ERBB4: variants seen among roughly 807,000 people sequenced by gnomAD.
The protein encoded by ERBB4 is receptor tyrosine-protein kinase erbB-4.
Under a neutral mutation model 158.0 loss-of-function variants are expected in ERBB4, and 42 were observed. The ratio of observed to expected loss-of-function variants is 0.27; its 90% CI spans 0.21 to 0.34. The LOEUF (loss-of-function observed/expected upper bound fraction) is 0.34, where lower values mean the gene tolerates loss of function less well. Among genes scored for constraint, ERBB4 ranks in the 10% least tolerant of loss-of-function variants. ERBB4 has a pLI of 1.00. For missense variants in ERBB4, 1,333 were observed against 1,624.1 expected, an observed-to-expected ratio of 0.82 and a Z score of 3.08; for synonymous variants, 583 against 558.7, an observed-to-expected ratio of 1.04 and a Z score of -0.61.
chr2:211,498,603 C>T (rs1486407713), intron 20 of ERBB4, among the ~76,000 whole-genome samples: 5 of 152,010 alleles, frequency 3.3e-5, no homozygotes, highest in Non-Finnish European at 7.4e-5. Context: ...TTTCAAACAT[C>T]ATAAGGAGTA....
rs546793913 is a variant in ERBB4, at chr2:211,677,747, G to A, written c.1622+1305C>T. Among the ~76,000 whole-genome samples the A allele has an allele frequency of 4.0e-5, 6 of 151,684 alleles. 1 individual carries two copies. The South Asian group carries it at 8.3e-4, about 21-fold the overall frequency. ...AAATTAGCCGGGCGTGGTGGCGGGC[G>A]CCTGTAGTCCCAGCTACTCGGGAGG... is the stretch of plus-strand genomic sequence containing the variant. On this transcript the variant is annotated intron_variant, in intron 13 of 27. Transcript: ENST00000342788.
chr2:211,762,986 T>A (rs1251674351), intron 4 of ERBB4, among the ~76,000 whole-genome samples: 1 of 152,138 alleles, frequency 6.6e-6, no homozygotes, highest in East Asian at 1.9e-4. Context: ...TATCAAATAA[T>A]TATTTGCCTG....
chr2:211,675,524 C>A (rs1055683966), intron 13 of ERBB4, among the ~76,000 whole-genome samples: 1 of 151,848 alleles, frequency 6.6e-6, no homozygotes, highest in Non-Finnish European at 1.5e-5. Context: ...TAAACTTTCA[C>A]AAGAGTTTAA....
intron 25 of ERBB4, among the ~76,000 whole-genome samples, chr2:211,388,940 C>T (rs995476276): frequency 2.0e-5 from 3 of 152,178 alleles, no homozygotes; most frequent in Non-Finnish European, 4.4e-5. Flanking sequence ...AGACCCAAAT[C>T]GCTTGATTTT....
At chr2:211,772,906 T>C (rs1421649444) in intron 4 of ERBB4, among the ~76,000 whole-genome samples, 1 of 49,892 alleles carries the variant, frequency 2.0e-5, no homozygotes, top group African/African-American at 7.0e-5. Flanking sequence ...CACATATATA[T>C]ATACACACAC....
intron 2 of ERBB4, among the ~76,000 whole-genome samples, chr2:212,026,500 G>A (rs1475541952): frequency 6.6e-6 from 1 of 151,710 alleles, no homozygotes; most frequent in Non-Finnish European, 1.5e-5. Flanking sequence ...TGTAGGAAAA[G>A]AAATTTCAAA....
At chr2:211,511,335 T>A (rs1201659000) in intron 20 of ERBB4, among the ~76,000 whole-genome samples, 4 of 152,066 alleles carry the variant, frequency 2.6e-5, no homozygotes, top group Non-Finnish European at 5.9e-5. Context: ...AATGTCAAAA[T>A]TTTTAGTTAT....
intron 1 of ERBB4, among the ~76,000 whole-genome samples, chr2:212,239,822 GTTT>G (rs935385330): frequency 1.3e-5 from 2 of 152,098 alleles, no homozygotes; most frequent in Non-Finnish European, 2.9e-5. Context: ...AGACAAGAAT[GTTT>G]TTATCCTGTC....
At chr2:211,762,844 T>A (rs181299809) in intron 4 of ERBB4, among the ~76,000 whole-genome samples, 78 of 152,332 alleles carry the variant, frequency 5.1e-4, no homozygotes, top group Admixed American at 2.7e-3. Flanking sequence ...CCAATCCTAG[T>A]TTTCTCTCTC....
At chr2:212,114,641 A>G (rs1412311039) in intron 2 of ERBB4, among the ~76,000 whole-genome samples, 2 of 152,326 alleles carry the variant, frequency 1.3e-5, no homozygotes, top group East Asian at 1.9e-4. Context: ...TTGATGCCTC[A>G]TTGAGTTTTT....
intron 1 of ERBB4, among the ~76,000 whole-genome samples, chr2:212,262,313 T>C (rs1277748119): frequency 6.6e-6 from 1 of 152,164 alleles, no homozygotes; most frequent in African/African-American, 2.4e-5. Context: ...GCTGTATGAT[T>C]CAGAATAATT....
chr2:211,452,041 G>T (rs2064258503), intron 20 of ERBB4, among the ~76,000 whole-genome samples: 1 of 152,058 alleles, frequency 6.6e-6, no homozygotes, highest in African/African-American at 2.4e-5. Flanking sequence ...TTATTTTGAA[G>T]TGACATTCCT....
intron 2 of ERBB4, among the ~76,000 whole-genome samples, chr2:212,028,444 A>T (rs1193410093): frequency 1.3e-5 from 2 of 152,122 alleles, no homozygotes; most frequent in African/African-American, 4.8e-5. Flanking sequence ...AAAAGGTTTG[A>T]CTTTTAAGTT....
intron 20 of ERBB4, among the ~76,000 whole-genome samples, chr2:211,450,594 T>G (rs890749654): frequency 3.3e-5 from 5 of 152,074 alleles, no homozygotes; most frequent in African/African-American, 1.2e-4. Context: ...TCAAATAAAA[T>G]AGGAGCATGA....
At chr2:211,507,678 C>T (rs183289479) in intron 20 of ERBB4, among the ~76,000 whole-genome samples, 3 of 151,940 alleles carry the variant, frequency 2.0e-5, no homozygotes, top group Non-Finnish European at 4.4e-5. Flanking sequence ...TGATGCTGGG[C>T]AATCCTAAGC....
At chr2:211,878,084 A>C (rs1444105797) in intron 3 of ERBB4, among the ~76,000 whole-genome samples, 1 of 152,190 alleles carries the variant, frequency 6.6e-6, no homozygotes, top group Non-Finnish European at 1.5e-5. Flanking sequence ...CTCCGGCCTG[A>C]GGAACAGAGC....
chr2:211,781,372 T>C (rs1286011903), intron 4 of ERBB4, among the ~76,000 whole-genome samples: 1 of 152,222 alleles, frequency 6.6e-6, no homozygotes, highest in Non-Finnish European at 1.5e-5. Flanking sequence ...TATAGTGGTA[T>C]CTATGAATTT....
chr2:211,757,221 C>A (rs1484297272), intron 4 of ERBB4, among the ~76,000 whole-genome samples: 2 of 152,144 alleles, frequency 1.3e-5, no homozygotes, highest in African/African-American at 4.8e-5. Flanking sequence ...AGTCTCAATT[C>A]AATTTTCCTA....
In ERBB4 at chr2:212,191,690, T is replaced by C. The variant is rs1300940389; in HGVS notation, c.83-66787A>G. Among the ~76,000 whole-genome samples, 2 of 49,094 alleles carry C rather than the reference T, an allele frequency of 4.1e-5. 1 individual carries two copies. The highest frequency in any genetic ancestry group is 9.9e-5 in the Non-Finnish European group (2 of 20,126). The allele number at this position is 49,094 out of a possible 152,430, so 32.2% of individuals were successfully genotyped here. ...TCATATATCGCGTGTGTTATACATG[T>C]TACATATAACACGTGTTATACATGT... On this transcript the variant is annotated intron_variant, in intron 1 of 27. Transcript: ENST00000342788.
Sources: gnomAD v4.1 joint callset for allele counts (sites outside exome capture counted in the v4.1 genomes callset) on GRCh38, gnomAD v4.1.1 for gene constraint, MANE v1.5 for transcripts, NCBI Gene and HGNC (gene_info 2026-07-23, HGNC 2026-07-21) for gene names.